MYCN: variants seen among roughly 807,000 people sequenced by gnomAD.
MYCN encodes MYCN proto-oncogene, bHLH transcription factor.
Under a neutral mutation model 28.1 loss-of-function variants are expected in MYCN, and 3 were observed. The observed-to-expected ratio is 0.11, with a 90% CI of 0.05 to 0.28. The LOEUF (loss-of-function observed/expected upper bound fraction) is 0.28. Ranked by LOEUF, MYCN falls within the 10% of genes least tolerant of loss-of-function variation. The pLI is 1.00. For missense variants in MYCN, 572 were observed against 651.4 expected (o/e 0.88, Z 1.33); for synonymous variants, 326 against 288.3 (o/e 1.13, Z -1.32).
chr2:15,945,722 G>T lies in MYCN; in HGVS notation c.1020G>T (p.Glu340Asp), dbSNP rs1346600319. 6 of 1,614,086 alleles carry T rather than the reference G, an allele frequency of 3.7e-6. No individual in the cohort carries two copies. Among genetic ancestry groups the T allele is most frequent in the Non-Finnish European group, 5.1e-6 (6 of 1,179,982 alleles). The stretch of plus-strand genomic sequence containing the variant: ...ATGCCGCCCCCTCTCCCTACGTGGA[G>T]AGTGAGGATGCACCCCCACAGAAGA... ...HNYAAPSPYV[E>D]SEDAPPQKKI... is the part of the protein sequence containing the mutation. The change falls in exon 3 of 3, where the codon GAG becomes GAT. Residue 340 changes from glutamate (E) to aspartate (D), a missense_variant. By Grantham distance (45) the Glu-to-Asp change is conservative. Transcript: ENST00000281043. The surrounding 1 kb of genome is among the most constrained non-coding windows in gnomAD (Gnocchi z 4.8).
chr2:15,945,000 GTTTTGTTTTTGT>G (rs201811535), intron 2 of MYCN, among the ~76,000 whole-genome samples: 3 of 150,934 alleles, frequency 2.0e-5, no homozygotes, highest in Non-Finnish European at 4.4e-5. Flanking sequence ...ATGGGGGGTT[GTTTTGTTTTTGT>G]TTTTGATAAG....
rs1662889751 is a variant in MYCN at position 15,946,939 on chromosome 2, T to C, written c.*842T>C. On this transcript the variant is annotated 3_prime_UTR_variant, in exon 3 of 3. Coordinates refer to ENST00000281043, the MANE Select transcript of MYCN (RefSeq NM_005378.6). ...TTAATTTCTTCAAAATGTATATATTTAGTGCTGCATCTTATAGCACTTTGA... is the reference window on the plus strand; with the variant it reads ...TTAATTTCTTCAAAATGTATATATTCAGTGCTGCATCTTATAGCACTTTGA... 4.8e-6 allele frequency: 1 copy of C among 210,020 alleles called. No homozygotes were observed. The allele number at this position is 210,020 out of a possible 1,614,324, so 13.0% of individuals were successfully genotyped here.
At chr2:15,944,043 C>G (rs1237442826) in intron 2 of MYCN, among the ~76,000 whole-genome samples, 1 of 152,092 alleles carries the variant, frequency 6.6e-6, no homozygotes, top group Non-Finnish European at 1.5e-5. Flanking sequence ...GGTGATAAGC[C>G]TCCAGTTTGA....
At chr2:15,944,439 A>G (rs1662805919) in intron 2 of MYCN, among the ~76,000 whole-genome samples, 1 of 152,204 alleles carries the variant, frequency 6.6e-6, no homozygotes, top group African/African-American at 2.4e-5. Context: ...TGGCTTTGTC[A>G]TTAAGATTTG....
In MYCN at chr2:15,942,300, C is replaced by G. The variant is rs1220809230; in HGVS notation, c.236C>G (p.Thr79Arg). The change falls in exon 2 of 3, where the codon ACG becomes AGG. Residue 79 changes from threonine to arginine, a missense_variant. Physicochemically the swap from Thr to Arg is moderately conservative, Grantham distance 71. Around this residue, in one of 3 missense-constraint regions of MYCN, gnomAD observed 499 missense variants for 524.3 expected, o/e 0.95. Coordinates refer to ENST00000281043, the MANE Select transcript of MYCN (RefSeq NM_005378.6). This position sits in a 1 kb window ranked among gnomAD's most constrained non-coding sequence, Gnocchi z 7.0. ...AGCTCCGAGCCCCCGAGCTGGGTCACGGAGATGCTGCTTGAGAACGAGCTG... is the reference window on the plus strand; with the variant it reads ...AGCTCCGAGCCCCCGAGCTGGGTCAGGGAGATGCTGCTTGAGAACGAGCTG... ...EHSSEPPSWV[T>R]EMLLENELWG... 3 of 1,610,356 alleles carry G rather than the reference C, an allele frequency of 1.9e-6. No homozygotes were observed.
rs767962049 is a variant in MYCN at position 15,942,534 on chromosome 2, C to T, written c.470C>T (p.Pro157Leu). The T allele has an allele frequency of 9.8e-6, 13 of 1,322,688 alleles. No individual in the cohort carries two copies. Among genetic ancestry groups the T allele is most frequent in the Middle Eastern group, 2.8e-4 (1 of 3,558 alleles). The allele number at this position is 1,322,688 out of a possible 1,614,324, so 81.9% of individuals were successfully genotyped here. Residue 157 changes from proline to leucine, a missense_variant, in exon 2 of 3, where the codon CCT (proline) becomes CTT (leucine). Pro to Leu is a moderately conservative substitution (Grantham distance 98, BLOSUM62 -3). Coordinates refer to ENST00000281043, the MANE Select transcript of MYCN (RefSeq NM_005378.6). This position sits in a 1 kb window ranked among gnomAD's most constrained non-coding sequence, Gnocchi z 7.0. ...TCCCCGGGAGCCGGCGCCGCCAGCC[C>T]TGCGGGTCGCGGGCACGGCGGGGCT... ...AQSPGAGAAS[P>L]AGRGHGGAAG...
Position 15,946,245 on chromosome 2 carries a change from T to C in MYCN, c.*148T>C. On this transcript the variant is annotated 3_prime_UTR_variant, in exon 3 of 3. Coordinates refer to ENST00000281043, the MANE Select transcript of MYCN (RefSeq NM_005378.6). ...TCTGGGTGGGCAGTAGGACCACCAG[T>C]GTGGGGTTCTGCTGGGACCTTGGAG... The C allele has an allele frequency of 8.7e-7, 1 of 1,155,132 alleles. No individual in the cohort carries two copies. Among genetic ancestry groups the C allele is most frequent in the East Asian group, 2.6e-5 (1 of 38,894 alleles). 71.6% of individuals were successfully genotyped at this position (1,155,132 alleles called of 1,614,324 possible).
In MYCN at chr2:15,940,591, G is replaced by C. The variant is rs1477949953; in HGVS notation, c.-270G>C. On this transcript the variant is annotated 5_prime_UTR_variant, in exon 1 of 3. Transcript: ENST00000281043. ...CTGTCTGGACGCGCTGGGTGGATGC[G>C]GGGGGCTCCTGGGAACTGTGTTGGA... 2.5e-6 allele frequency: 1 copy of C among 400,208 alleles called. No individual in the cohort carries two copies. The highest frequency in any genetic ancestry group is 3.6e-5 in the East Asian group (1 of 28,062). 24.8% of individuals were successfully genotyped at this position (400,208 alleles called of 1,614,324 possible).
chr2:15,941,497 A>G lies in MYCN; in HGVS notation c.-117-451A>G, dbSNP rs1424590048. The G allele has an allele frequency of 6.2e-6, 1 of 162,232 alleles. No individual in the cohort carries two copies. Among genetic ancestry groups the G allele is most frequent in the African/African-American group, 2.4e-5 (1 of 41,636 alleles). 10.0% of individuals were successfully genotyped at this position (162,232 alleles called of 1,614,324 possible). A position where few individuals can be genotyped will look rare whatever the true frequency, so the allele number is the denominator to read the frequency against. On this transcript the variant is annotated intron_variant, in intron 1 of 2. Transcript: ENST00000281043. The surrounding 1 kb of genome is among the most constrained non-coding windows in gnomAD (Gnocchi z 4.8). ...CTATCATTTGCACTCCTGAGGTTGC[A>G]TTTTTACAAAGGGGGTAGAAGGTAC...
Position 15,946,432 on chromosome 2 carries a change from G to T in MYCN, c.*335G>T. ...GAAAGTCATTCCTTCTTTTTAAAAT[G>T]GTGCTTAAGTTCCAGCAGATGCCAC... On this transcript the variant is annotated 3_prime_UTR_variant, in exon 3 of 3. Coordinates refer to ENST00000281043, the MANE Select transcript of MYCN (RefSeq NM_005378.6). 2.3e-6 allele frequency: 1 copy of T among 434,062 alleles called. No individual in the cohort carries two copies. The highest frequency in any genetic ancestry group is 4.3e-6 in the Non-Finnish European group (1 of 233,650). The allele number at this position is 434,062 out of a possible 1,614,324, so 26.9% of individuals were successfully genotyped here. A position where few individuals can be genotyped will look rare whatever the true frequency, so the allele number is the denominator to read the frequency against.
rs1158021312 is a variant in MYCN, at chr2:15,941,951, T to G, written c.-114T>G. On this transcript the variant is annotated 5_prime_UTR_variant, in exon 2 of 3. Coordinates refer to ENST00000281043, the MANE Select transcript of MYCN (RefSeq NM_005378.6). This position sits in a 1 kb window ranked among gnomAD's most constrained non-coding sequence, Gnocchi z 4.8. ...CCGGTGTGTCTGTCGGTTGCAGTGTTGGAGGTCGGCGCCGGCCCCCGCCTT... is the reference window on the plus strand; with the variant it reads ...CCGGTGTGTCTGTCGGTTGCAGTGTGGGAGGTCGGCGCCGGCCCCCGCCTT... 7.4e-7 allele frequency: 1 copy of G among 1,351,218 alleles called. No homozygotes were observed. The highest frequency in any genetic ancestry group is 1.0e-6 in the Non-Finnish European group (1 of 974,864). The allele number at this position is 1,351,218 out of a possible 1,614,324, so 83.7% of individuals were successfully genotyped here.
chr2:15,942,470 C>T lies in MYCN; in HGVS notation c.406C>T (p.His136Tyr), dbSNP rs1003867645. 5.1e-6 allele frequency: 8 copies of T among 1,575,966 alleles called. No homozygotes were observed. The highest frequency in any genetic ancestry group is 2.7e-5 in the African/African-American group (2 of 74,268). Residue 136 changes from histidine (H) to tyrosine (Y), a missense_variant, in exon 2 of 3, where the codon CAC (histidine) becomes TAC (tyrosine). By Grantham distance (83) the His-to-Tyr change is moderately conservative. Around this residue, in one of 3 missense-constraint regions of MYCN, gnomAD observed 499 missense variants for 524.3 expected, o/e 0.95. Transcript: ENST00000281043. This position sits in a 1 kb window ranked among gnomAD's most constrained non-coding sequence, Gnocchi z 7.0. ...GCGCGCCGTGAGCGAGAAGCTGCAG[C>T]ACGGCCGCGGGCCGCCAACCGCCGG... ...LERAVSEKLQ[H>Y]GRGPPTAGST...
chr2:15,945,807 A>G lies in MYCN; in HGVS notation c.1105A>G (p.Ser369Gly). ...LKSVIPPKAK[S>G]LSPRNSDSED... is the part of the protein sequence containing the mutation. ...GAGTGTCATCCCCCCAAAGGCTAAG[A>G]GCTTGAGCCCCCGAAACTCTGACTC... The change falls in exon 3 of 3, where the codon AGC becomes GGC. Residue 369 changes from serine to glycine, a missense_variant. Coordinates refer to ENST00000281043, the MANE Select transcript of MYCN (RefSeq NM_005378.6). This position sits in a 1 kb window ranked among gnomAD's most constrained non-coding sequence, Gnocchi z 4.8. 6.2e-7 allele frequency: 1 copy of G among 1,614,050 alleles called. No homozygotes were observed. The highest frequency in any genetic ancestry group is 2.2e-5 in the East Asian group (1 of 44,876).
rs1662845624 is a variant in MYCN at position 15,945,658 on chromosome 2, T to A, written c.956T>A (p.Ile319Asn). The A allele has an allele frequency of 6.2e-7, 1 of 1,614,030 alleles. No individual in the cohort carries two copies. Among genetic ancestry groups the A allele is most frequent in the Non-Finnish European group, 8.5e-7 (1 of 1,180,032 alleles). Residue 319 changes from isoleucine (I) to asparagine (N), a missense_variant, in exon 3 of 3, where the codon ATC (isoleucine) becomes AAC (asparagine). Physicochemically the swap from Ile to Asn is moderately radical, Grantham distance 149. Transcript: ENST00000281043. The surrounding 1 kb of genome is among the most constrained non-coding windows in gnomAD (Gnocchi z 4.8). Reference protein sequence around the residue: ...GPGRAQSSELILKRCLPIHQQ... With the variant: ...GPGRAQSSELNLKRCLPIHQQ... ...GGGAGGGCTCAGTCCAGCGAGCTGA[T>A]CCTCAAACGATGCCTTCCCATCCAC...
At chr2:15,944,201 A>C (rs1662797220) in intron 2 of MYCN, among the ~76,000 whole-genome samples, 2 of 152,200 alleles carry the variant, frequency 1.3e-5, no homozygotes, top group South Asian at 4.1e-4. Flanking sequence ...GCTTTAGAAC[A>C]AATCCCACAA....
chr2:15,942,601 C>T lies in MYCN; in HGVS notation c.537C>T (p.Leu179=). 2.8e-6 allele frequency: 3 copies of T among 1,084,364 alleles called. No individual in the cohort carries two copies. The highest frequency in any genetic ancestry group is 3.4e-6 in the Non-Finnish European group (3 of 895,140). 67.2% of individuals were successfully genotyped at this position (1,084,364 alleles called of 1,614,324 possible). The part of the protein sequence containing the change: ...GRAGAALPAE[L]AHPAAECVDP... ...CCGGGGCCGCCCTGCCCGCCGAGCTCGCCCACCCGGCCGCCGAGTGCGTGG... is the reference window on the plus strand; with the variant it reads ...CCGGGGCCGCCCTGCCCGCCGAGCTTGCCCACCCGGCCGCCGAGTGCGTGG... The change falls in exon 2 of 3, where the codon CTC becomes CTT. Residue 179 remains leucine, a synonymous_variant. Coordinates refer to ENST00000281043, the MANE Select transcript of MYCN (RefSeq NM_005378.6). This position sits in a 1 kb window ranked among gnomAD's most constrained non-coding sequence, Gnocchi z 7.0.
rs781535490 is a variant in MYCN at position 15,942,403 on chromosome 2, G to A, written c.339G>A (p.Gln113=). ...TCACCCCCAACCCGGTCATCCTCCA[G>A]GACTGCATGTGGAGCGGCTTCTCCG... The part of the protein sequence containing the change: ...GGLTPNPVIL[Q]DCMWSGFSAR... The change falls in exon 2 of 3, where the codon CAG becomes CAA. Residue 113 remains glutamine (Q), a synonymous_variant. Coordinates refer to ENST00000281043, the MANE Select transcript of MYCN (RefSeq NM_005378.6). This position sits in a 1 kb window ranked among gnomAD's most constrained non-coding sequence, Gnocchi z 7.0. 10 of 1,606,642 alleles carry A rather than the reference G, an allele frequency of 6.2e-6. No individual in the cohort carries two copies. Among genetic ancestry groups the A allele is most frequent in the Admixed American group, 1.7e-5 (1 of 59,848 alleles).
At position 15,946,649 on chromosome 2, in the gene MYCN, ATC is replaced by A. The variant is rs1374373776; in HGVS notation, c.*556_*557del. 2.6e-5 allele frequency: 7 copies of A among 267,860 alleles called. No homozygotes were observed. The highest frequency in any genetic ancestry group is 1.5e-4 in the African/African-American group (7 of 46,386). 16.6% of individuals were successfully genotyped at this position (267,860 alleles called of 1,614,324 possible). A position where few individuals can be genotyped will look rare whatever the true frequency, so the allele number is the denominator to read the frequency against. ...TGTTTTGTATACAAATATATTGTTA[ATC>A]TCTGTTATGTACTGTACTAATTCTT... On this transcript the variant is annotated 3_prime_UTR_variant, in exon 3 of 3. Transcript: ENST00000281043.
chr2:15,940,817 G>C (rs1352808839), intron 1 of MYCN, 74 bp downstream of exon 1: 1 of 398,212 alleles, frequency 2.5e-6, no homozygotes, highest in East Asian at 3.6e-5. Context: ...AGCCCTGGAC[G>C]GGATTGCGAC....
Sources: gnomAD v4.1 joint callset for allele counts (sites outside exome capture counted in the v4.1 genomes callset) on GRCh38, gnomAD v4.1.1 for gene constraint, gnomAD v4.1.1 regional missense constraint, Gnocchi (gnomAD v3.1) non-coding constraint, MANE v1.5 for transcripts, NCBI Gene and HGNC (gene_info 2026-07-23, HGNC 2026-07-21) for gene names.